The following SFPQ variants were observed in gnomAD, a reference collection of about 807,000 sequenced individuals.
SFPQ encodes splicing factor proline and glutamine rich, also known as splicing factor, proline- and glutamine-rich.
A neutral mutation model predicts 72.9 loss-of-function variants in SFPQ; 11 were observed. The observed-to-expected ratio is 0.15, with a 90% confidence interval of 0.09 to 0.25. The LOEUF is 0.25. Among genes scored for constraint, SFPQ ranks in the 10% least tolerant of loss-of-function variants. SFPQ has a pLI of 1.00. For synonymous variants in SFPQ, 506 were observed against 367.3 expected, an observed-to-expected ratio of 1.38 and a Z score of -4.32; for missense variants, 847 against 993.3, an observed-to-expected ratio of 0.85 and a Z score of 1.98.
chr1:35,191,427 C>T lies in SFPQ; in HGVS notation c.931G>A (p.Asp311Asn). 1.2e-6 allele frequency: 2 copies of T among 1,614,110 alleles called. No homozygotes were observed. Among genetic ancestry groups the T allele is most frequent in the Non-Finnish European group, 1.7e-6 (2 of 1,179,948 alleles). Residue 311 changes from aspartate to asparagine, a missense_variant, in exon 2 of 10, where the codon GAT becomes AAT. Physicochemically the swap from Asp to Asn is conservative, Grantham distance 23 (BLOSUM62 1). This residue lies in a region of SFPQ where 35 missense variants were observed against 52.9 expected (regional missense o/e 0.66). Transcript: ENST00000357214. ...TTAGCAAATAGTCTTTTGAATTCAT[C>T]CTCCGTGATATCAGCAGGTAGATTC... ...VGNLPADITE[D>N]EFKRLFAKYG...
intron 1 of SFPQ, 34 bp downstream of exon 1, chr1:35,192,188 G>A (rs958768789): frequency 2.9e-6 from 4 of 1,371,076 alleles, no homozygotes; most frequent in Non-Finnish European, 2.8e-6. Flanking sequence ...CGCCATCTTA[G>A]GGGAGCCGAC....
intron 5 of SFPQ, among the ~76,000 whole-genome samples, chr1:35,176,988 G>A (rs538168698): frequency 8.0e-4 from 122 of 152,280 alleles, no homozygotes; most frequent in African/African-American, 2.6e-3. Flanking sequence ...GGCCAAGGTG[G>A]ACAGATCACC....
Position 35,177,898 on chromosome 1 carries a change from A to T in SFPQ, c.*24+91T>A. The T allele has an allele frequency of 6.3e-6, 3 of 478,836 alleles. No homozygotes were observed. In the South Asian group the frequency reaches 1.1e-4, roughly 18 times the overall value. The allele number at this position is 478,836 out of a possible 1,614,324, so 29.7% of individuals were successfully genotyped here. A position where few individuals can be genotyped will look rare whatever the true frequency, so the allele number is the denominator to read the frequency against. ...TATCTTAGAAACGGTAAACATCTCAAATATCGAAGTTTCACTCCACATATC... is the reference window on the plus strand; with the variant it reads ...TATCTTAGAAACGGTAAACATCTCATATATCGAAGTTTCACTCCACATATC... On this transcript the variant is annotated intron_variant and NMD_transcript_variant, in intron 4 of 5. Coordinates refer to the SFPQ transcript ENST00000460428.
chr1:35,187,786 A>C (rs1200220691), intron 7 of SFPQ, among the ~76,000 whole-genome samples, 187 bp downstream of exon 7: 1 of 152,106 alleles, frequency 6.6e-6, no homozygotes, highest in African/African-American at 2.4e-5. Context: ...CCAAGAAACA[A>C]AACACAAAAA....
Position 35,183,908 on chromosome 1 carries a change from T to C in SFPQ, c.*548A>G. ...ATACTTAGCACCAGCGTGCTTCCTA[T>C]ATGCCAAACAAATCATCAAACTACT... is the stretch of plus-strand genomic sequence containing the variant. On this transcript the variant is annotated 3_prime_UTR_variant, in exon 10 of 10. Coordinates refer to ENST00000357214, the MANE Select transcript of SFPQ (RefSeq NM_005066.3). 1 of 1,051,302 alleles carries C rather than the reference T, an allele frequency of 9.5e-7. No homozygotes were observed. Among genetic ancestry groups the C allele is most frequent in the Non-Finnish European group, 1.1e-6 (1 of 870,256 alleles). The allele number at this position is 1,051,302 out of a possible 1,614,324, so 65.1% of individuals were successfully genotyped here.
Position 35,192,243 on chromosome 1 carries a change from C to T in SFPQ, c.807G>A (p.Glu269=), listed in dbSNP as rs1483372372. ...PPPGGPGGRS[E]EKISDSEGFK... is the part of the protein sequence containing the mutation. The stretch of plus-strand genomic sequence containing the variant: ...TCACCTCCGAGTCCGAGATCTTCTC[C>T]TCGCTGCGGCCGCCGGGCCCGCCGG... Residue 269 remains glutamate, a synonymous_variant, in exon 1 of 10, where the codon GAG becomes GAA. Transcript: ENST00000357214. 2.7e-6 allele frequency: 4 copies of T among 1,463,044 alleles called. No individual in the cohort carries two copies. The African/African-American group carries it at 4.4e-5, about 16-fold the overall frequency. The allele number at this position is 1,463,044 out of a possible 1,614,324, so 90.6% of individuals were successfully genotyped here.
chr1:35,192,795 A>C lies in SFPQ; in HGVS notation c.255T>G (p.His85Gln), dbSNP rs1043572798. 1.1e-5 allele frequency: 17 copies of C among 1,500,886 alleles called. No individual in the cohort carries two copies. The highest frequency in any genetic ancestry group is 5.0e-5 in the South Asian group (4 of 80,158). The allele number at this position is 1,500,886 out of a possible 1,614,324, so 93.0% of individuals were successfully genotyped here. A position where few individuals can be genotyped will look rare whatever the true frequency, so the allele number is the denominator to read the frequency against. Residue 85 changes from histidine to glutamine, a missense_variant, in exon 1 of 10, where the codon CAT becomes CAG. Physicochemically the swap from His to Gln is conservative, Grantham distance 24. This residue lies in a region of SFPQ where 498 missense variants were observed against 405.1 expected (regional missense o/e 1.23). Coordinates refer to ENST00000357214, the MANE Select transcript of SFPQ (RefSeq NM_005066.3). The part of the protein sequence containing the change: ...QQPPPQQPPP[H>Q]QPPPHPQPHQ... ...GCGGCTGTGGATGCGGCGGCGGCTG[A>C]TGCGGTGGCGGCTGCTGCGGCGGTG... is the stretch of plus-strand genomic sequence containing the variant.
chr1:35,179,153 GCTCT>G, downstream of SFPQ: 1 of 1,059,926 alleles, frequency 9.4e-7, no homozygotes, highest in Non-Finnish European at 1.1e-6. Context: ...CAACATCCTG[GCTCT>G]CTAAAACCTG....
At chr1:35,179,973 C>T (rs772957316), downstream of SFPQ, 102 of 1,052,218 alleles carry the variant, frequency 9.7e-5, no homozygotes, top group Non-Finnish European at 1.1e-4. Context: ...TGTTGATATG[C>T]AGAGGCTAAA....
At chr1:35,180,829 C>T (rs1282859308), downstream of SFPQ, 24 of 985,286 alleles carry the variant, frequency 2.4e-5, no homozygotes, top group Non-Finnish European at 2.9e-5. Flanking sequence ...TCCCTCTCCC[C>T]CACACCACTG....
At chr1:35,189,141 A>C in intron 5 of SFPQ, 45 bp downstream of exon 5, 1 of 1,613,402 alleles carries the variant, frequency 6.2e-7, no homozygotes, top group Non-Finnish European at 8.5e-7. Context: ...ATAAGGTGAA[A>C]AACAATTGAC....
chr1:35,191,651 G>A, intron 1 of SFPQ, 122 bp from the exon 2 acceptor site: 1 of 705,580 alleles, frequency 1.4e-6, no homozygotes, highest in Non-Finnish European at 2.3e-6. Flanking sequence ...TCAAAATCAA[G>A]GTTTTACTAT....
intron 4 of SFPQ, among the ~76,000 whole-genome samples, chr1:35,189,861 G>C (rs538388189): frequency 2.0e-5 from 3 of 152,052 alleles, no homozygotes; most frequent in African/African-American, 7.3e-5. Flanking sequence ...TGAGGCAGGA[G>C]AATCACTTGA....
chr1:35,178,009 A>C (rs1461288753), downstream of SFPQ: 12 of 1,296,140 alleles, frequency 9.3e-6, no homozygotes, highest in Non-Finnish European at 1.2e-5. Context: ...TGAGCACTCC[A>C]ATATCAGCCA....
chr1:35,179,869 T>C (rs143353875), downstream of SFPQ: 755 of 1,054,144 alleles, frequency 7.2e-4, 8 homozygotes, highest in African/African-American at 0.011. Flanking sequence ...ACCGATTTAA[T>C]GGATTACGAC....
chr1:35,187,106 T>G lies in SFPQ; in HGVS notation c.1881A>C (p.Gly627=). 1.9e-6 allele frequency: 3 copies of G among 1,614,042 alleles called. No individual in the cohort carries two copies. The highest frequency in any genetic ancestry group is 1.1e-5 in the South Asian group (1 of 91,088). The change falls in exon 9 of 10, where the codon GGA becomes GGC. Residue 627 remains glycine, a synonymous_variant. Coordinates refer to ENST00000357214, the MANE Select transcript of SFPQ (RefSeq NM_005066.3). ...CTCCTAGAGGTGGAAATTTCTGGCC[T>G]CCTGAACCATAGGGATCTAGAAAAC... ...AMNMGDPYGS[G]GQKFPPLGGG...
downstream of SFPQ, chr1:35,180,547 G>C: frequency 1.9e-6 from 2 of 1,049,220 alleles, no homozygotes; most frequent in Non-Finnish European, 2.3e-6. Context: ...CCCATAACTT[G>C]AACTATTCAC....
chr1:35,178,004 A>C, downstream of SFPQ: 2 of 1,283,638 alleles, frequency 1.6e-6, no homozygotes, highest in Non-Finnish European at 2.0e-6. Context: ...GTGAATGAGC[A>C]CTCCAATATC....
chr1:35,192,438 CGGACCTGGGCCCTGCTTAGGCCCT>C lies in SFPQ; in HGVS notation c.588_611del (p.Pro198_Gly205del), dbSNP rs1640066882. 6 of 1,415,302 alleles carry C rather than the reference CGGACCTGGGCCCTGCTTAGGCCCT, an allele frequency of 4.2e-6. No homozygotes were observed. Among genetic ancestry groups the C allele is most frequent in the East Asian group, 3.1e-5 (1 of 32,772 alleles). 87.7% of individuals were successfully genotyped at this position (1,415,302 alleles called of 1,614,324 possible). A position where few individuals can be genotyped will look rare whatever the true frequency, so the allele number is the denominator to read the frequency against. On this transcript the variant is annotated inframe_deletion, in exon 1 of 10. Transcript: ENST00000357214. ...GCATTTTGCCGCCTTTGGGACCACC[CGGACCTGGGCCCTGCTTAGGCCCT>C]GGACCCGGGCCCGGGACTGCCGCGG...
Sources: gnomAD v4.1 joint callset for allele counts (sites outside exome capture counted in the v4.1 genomes callset) on GRCh38, gnomAD v4.1.1 for gene constraint, gnomAD v4.1.1 regional missense constraint, MANE v1.5 for transcripts, NCBI Gene and HGNC (gene_info 2026-07-23, HGNC 2026-07-21) for gene names.